The following PDE10A variants were observed in gnomAD, a reference collection of about 807,000 sequenced individuals.
The protein encoded by PDE10A is cAMP and cAMP-inhibited cGMP 3',5'-cyclic phosphodiesterase 10A.
Under a neutral mutation model 97.7 loss-of-function variants are expected in PDE10A, and 39 were observed. The ratio of observed to expected loss-of-function variants is 0.40; its 90% CI spans 0.31 to 0.52. The LOEUF (loss-of-function observed/expected upper bound fraction) is 0.52, where lower values mean the gene tolerates loss of function less well. Among genes scored for constraint, PDE10A ranks in the 20% least tolerant of loss-of-function variants. The pLI is 0.56. For missense variants in PDE10A, 731 were observed against 1,047.8 expected (o/e 0.70, Z 4.17); for synonymous variants, 371 against 376.8 (o/e 0.98, Z 0.18).
At chr6:165,973,828 C>T (rs773803702) in intron 1 of PDE10A, among the ~76,000 whole-genome samples, 43 of 152,146 alleles carry the variant, frequency 2.8e-4, no homozygotes, top group Non-Finnish European at 5.1e-4. Flanking sequence ...TTTTTTATTC[C>T]TTTATCACAA....
At chr6:165,601,086 G>A (rs992081803) in intron 1 of PDE10A, among the ~76,000 whole-genome samples, 6 of 152,128 alleles carry the variant, frequency 3.9e-5, no homozygotes, top group African/African-American at 9.7e-5. Flanking sequence ...CATGGGAGTT[G>A]GTCTTTCCCG....
intron 1 of PDE10A, among the ~76,000 whole-genome samples, chr6:165,559,786 G>A (rs1343137548): frequency 6.6e-6 from 1 of 152,150 alleles, no homozygotes; most frequent in Non-Finnish European, 1.5e-5. Flanking sequence ...CCCTAGTACT[G>A]TTCTCGTGGT....
Position 165,662,736 on chromosome 6 carries a change from C to G in PDE10A, c.76G>C (p.Gly26Arg), listed in dbSNP as rs1351753121. 1.4e-5 allele frequency among the ~76,000 whole-genome samples: 2 copies of G among 147,728 alleles called. No individual in the cohort carries two copies. Among genetic ancestry groups the G allele is most frequent in the Non-Finnish European group, 3.0e-5 (2 of 66,514 alleles). ...GGTTCCGGGCGGAGTTTGCCGGGGC[C>G]GCAGCCCGGCTCGTCCCCGGCCGCT... The part of the protein sequence containing the change: ...LPAAGDEPGC[G>R]PGKLRPEPRL... The change falls in exon 1 of 22, where the codon GGC (glycine) becomes CGC (arginine). Residue 26 changes from glycine (G) to arginine (R), a missense_variant. This residue lies in a region of PDE10A where 181 missense variants were observed against 159.1 expected (regional missense o/e 1.14). Transcript: ENST00000539869.
chr6:165,508,664 G>C (rs1156940679), intron 2 of PDE10A, among the ~76,000 whole-genome samples: 1 of 151,892 alleles, frequency 6.6e-6, no homozygotes, highest in African/African-American at 2.4e-5. Context: ...CGTTTGAAAA[G>C]TCCAGGGCCT....
chr6:165,980,730 T>C (rs889253498), intron 1 of PDE10A, among the ~76,000 whole-genome samples: 2 of 152,196 alleles, frequency 1.3e-5, no homozygotes, highest in Non-Finnish European at 2.9e-5. Context: ...CTCATGACCA[T>C]TGACTATTGT....
intron 2 of PDE10A, among the ~76,000 whole-genome samples, chr6:165,492,289 T>C (rs140045386): frequency 6.6e-6 from 1 of 152,266 alleles, no homozygotes; most frequent in Non-Finnish European, 1.5e-5. Flanking sequence ...CAAAGAAGAA[T>C]TGGTACCAAT....
chr6:165,562,533 A>G (rs1185439921), intron 1 of PDE10A, among the ~76,000 whole-genome samples: 1 of 150,910 alleles, frequency 6.6e-6, no homozygotes, highest in African/African-American at 2.4e-5. Flanking sequence ...GACATGTTTG[A>G]TTATTTTTTT....
At chr6:165,619,381 AGT>A (rs1787942500) in intron 1 of PDE10A, among the ~76,000 whole-genome samples, 1 of 147,876 alleles carries the variant, frequency 6.8e-6, no homozygotes. Flanking sequence ...GGTGTAGTGT[AGT>A]CTAGTATAGT....
intron 1 of PDE10A, among the ~76,000 whole-genome samples, chr6:165,932,517 G>A (rs1783168828): frequency 6.6e-6 from 1 of 152,050 alleles, no homozygotes; most frequent in Admixed American, 6.5e-5. Flanking sequence ...TGTATTTTTA[G>A]TAAAGACAGG....
chr6:165,621,355 G>A (rs1303745927), intron 1 of PDE10A, among the ~76,000 whole-genome samples: 1 of 151,124 alleles, frequency 6.6e-6, no homozygotes, highest in Non-Finnish European at 1.5e-5. Context: ...TAATGCTTAT[G>A]ATACAAAATT....
chr6:165,765,727 G>A (rs1401210745), intron 1 of PDE10A, among the ~76,000 whole-genome samples: 2 of 152,214 alleles, frequency 1.3e-5, no homozygotes, highest in African/African-American at 4.8e-5. Flanking sequence ...CCAGAAAGGG[G>A]CTCCCACAGT....
At chr6:165,480,587 T>C (rs908083173) in intron 3 of PDE10A, among the ~76,000 whole-genome samples, 1 of 144,024 alleles carries the variant, frequency 6.9e-6, no homozygotes, top group African/African-American at 2.5e-5. Flanking sequence ...TTGCCTCAAT[T>C]AAAAAAAAAA....
intron 1 of PDE10A, chr6:165,781,859 G>A (rs1046987194): frequency 1.3e-5 from 2 of 152,248 alleles, no homozygotes; most frequent in East Asian, 1.9e-4. Flanking sequence ...TCCAGAAGGA[G>A]CCAGCCCTGC....
chr6:165,528,203 T>C (rs1461088344), intron 2 of PDE10A, among the ~76,000 whole-genome samples: 1 of 152,168 alleles, frequency 6.6e-6, no homozygotes, highest in Non-Finnish European at 1.5e-5. Flanking sequence ...CTCTGAGTGG[T>C]CAAAAACTGT....
chr6:165,509,212 C>A (rs750960116), intron 2 of PDE10A, among the ~76,000 whole-genome samples: 1 of 151,828 alleles, frequency 6.6e-6, no homozygotes, highest in Non-Finnish European at 1.5e-5. Context: ...GTGTCATGAT[C>A]GAGTCAGGGT....
intron 1 of PDE10A, among the ~76,000 whole-genome samples, chr6:165,944,202 T>C (rs1464343475): frequency 6.6e-6 from 1 of 152,148 alleles, no homozygotes; most frequent in Non-Finnish European, 1.5e-5. Flanking sequence ...CGCATGAAGG[T>C]AACCACCCCC....
intron 13 of PDE10A, among the ~76,000 whole-genome samples, chr6:165,398,813 T>C (rs985667817): frequency 1.3e-5 from 2 of 152,024 alleles, no homozygotes; most frequent in African/African-American, 4.8e-5. Context: ...AGAAAACAAA[T>C]GGCAAGATGG....
intron 1 of PDE10A, among the ~76,000 whole-genome samples, chr6:165,751,596 C>A (rs1351627996): frequency 1.3e-5 from 2 of 152,018 alleles, no homozygotes; most frequent in East Asian, 3.9e-4. Context: ...TGGTCACAAC[C>A]CTGCTGACCA....
At chr6:165,739,769 T>C (rs543084771) in intron 1 of PDE10A, among the ~76,000 whole-genome samples, 32 of 152,232 alleles carry the variant, frequency 2.1e-4, no homozygotes, top group African/African-American at 6.7e-4. Context: ...CTCAGCTAAA[T>C]GGCAAGAAAA....
Sources: allele counts gnomAD v4.1 joint callset (sites outside exome capture counted in the v4.1 genomes callset), GRCh38; gene constraint gnomAD v4.1.1; regional missense constraint gnomAD v4.1.1; transcripts MANE v1.5; gene names NCBI Gene and HGNC (gene_info 2026-07-23, HGNC 2026-07-21).